CEP68: variants seen among roughly 807,000 people sequenced by gnomAD.
CEP68 encodes the protein centrosomal protein 68, also known as centrosomal protein of 68 kDa.
A neutral mutation model predicts 55.3 loss-of-function variants in CEP68; 26 were observed. The ratio of observed to expected loss-of-function variants is 0.47; its 90% confidence interval spans 0.34 to 0.65. The LOEUF (loss-of-function observed/expected upper bound fraction) is 0.65, where lower values mean the gene tolerates loss of function less well. CEP68 is among the 30% of genes least tolerant of loss of function. The probability of loss-of-function intolerance (pLI) is 0.01; values close to 1 mark genes in which losing one functional copy is unlikely to be tolerated. For missense variants in CEP68, 957 were observed against 946.7 expected (o/e 1.01, Z -0.14); for synonymous variants, 402 against 383.2 (o/e 1.05, Z -0.57).
chr2:65,057,022 C>CAGCA (rs1558550577), intron 1 of CEP68, among the ~76,000 whole-genome samples: 86 of 152,014 alleles, frequency 5.7e-4, no homozygotes, highest in African/African-American at 1.9e-3. Flanking sequence ...TTCTTATCGC[C>CAGCA]GCGCCCAGAT....
In CEP68 at chr2:65,074,353, T is replaced by C. The variant is rs1304367621; in HGVS notation, c.1956T>C (p.Thr652=). Residue 652 remains threonine, a synonymous_variant, in exon 4 of 7, where the codon ACT becomes ACC. Transcript: ENST00000377990. ...YNVADVTDHG[T]AARSNLTSLK... ...TTGCAGATGTTACTGACCACGGGAC[T>C]GCAGCCAGGTCCAATCTTACAAGTC... 3.1e-6 allele frequency: 5 copies of C among 1,614,156 alleles called. No individual in the cohort carries two copies. Among genetic ancestry groups the C allele is most frequent in the Non-Finnish European group, 4.2e-6 (5 of 1,180,054 alleles).
chr2:65,061,673 A>T (rs908446442), intron 1 of CEP68, among the ~76,000 whole-genome samples: 2 of 152,256 alleles, frequency 1.3e-5, no homozygotes, highest in African/African-American at 2.4e-5. Context: ...CCAGCAGGGC[A>T]GGAGCAGGTG....
Position 65,072,707 on chromosome 2 carries a change from C to T in CEP68, c.1611C>T (p.Ser537=), listed in dbSNP as rs1676547440. The T allele has an allele frequency of 6.2e-7, 1 of 1,614,134 alleles. No individual in the cohort carries two copies. Among genetic ancestry groups the T allele is most frequent in the Non-Finnish European group, 8.5e-7 (1 of 1,180,016 alleles). ...CCTTCCCTTCAAGCTCCAGCCAAAG[C>T]CAGCTTCCCCCTGGAGCTGCCCTCC... ...PASFPSSSSQ[S]QLPPGAALQG... The change falls in exon 3 of 7, where the codon AGC becomes AGT. Residue 537 remains serine, a synonymous_variant. Coordinates refer to ENST00000377990, the MANE Select transcript of CEP68 (RefSeq NM_015147.3).
chr2:65,071,990 G>A lies in CEP68; in HGVS notation c.894G>A (p.Glu298=). The change falls in exon 3 of 7, where the codon GAG becomes GAA. Residue 298 remains glutamate (E), a synonymous_variant. Coordinates refer to ENST00000377990, the MANE Select transcript of CEP68 (RefSeq NM_015147.3). ...RHSPLWNPNK[E]YEDLLDYTYP... is the part of the protein sequence containing the mutation. ...CCCCTCTCTGGAACCCAAATAAAGA[G>A]TATGAAGATCTGCTTGACTATACTT... is the stretch of plus-strand genomic sequence containing the variant. 1 of 1,613,012 alleles carries A rather than the reference G, an allele frequency of 6.2e-7. No individual in the cohort carries two copies. The highest frequency in any genetic ancestry group is 1.1e-5 in the South Asian group (1 of 91,072).
Position 65,071,916 on chromosome 2 carries a change from T to A in CEP68, c.820T>A (p.Trp274Arg). Residue 274 changes from tryptophan (W) to arginine (R), a missense_variant, in exon 3 of 7, where the codon TGG becomes AGG. Physicochemically the swap from Trp to Arg is moderately radical, Grantham distance 101. Transcript: ENST00000377990. ...RRRLSFQAEY[W>R]ACVLPDSLPP... Reference sequence around the variant, plus strand: ...ACGCCTCTCCTTCCAGGCTGAGTACTGGGCCTGTGTGCTGCCAGATTCCCT... The same window carrying A: ...ACGCCTCTCCTTCCAGGCTGAGTACAGGGCCTGTGTGCTGCCAGATTCCCT... 6.2e-7 allele frequency: 1 copy of A among 1,613,242 alleles called. No individual in the cohort carries two copies. The highest frequency in any genetic ancestry group is 1.1e-5 in the South Asian group (1 of 91,060).
chr2:65,069,806 G>GT lies in CEP68; in HGVS notation c.357+6dup, dbSNP rs746010641. The GT allele has an allele frequency of 6.2e-7, 1 of 1,612,310 alleles. No individual in the cohort carries two copies. The highest frequency in any genetic ancestry group is 1.1e-5 in the South Asian group (1 of 91,050). ...CTGCTCTCCGGGGAAAGCCAGGTAG[G>GT]TACTAAGGCAAGACTGTAGATGGAC... On this transcript the variant is annotated splice_donor_region_variant and intron_variant, in intron 2 of 6. Transcript: ENST00000377990.
chr2:65,074,686 T>C, intron 4 of CEP68: 1 of 391,834 alleles, frequency 2.6e-6, no homozygotes, highest in South Asian at 2.1e-5. Context: ...AAGTCTTTTA[T>C]CCCAGCTACT....
intron 1 of CEP68, among the ~76,000 whole-genome samples, chr2:65,064,914 G>A (rs1676089648): frequency 6.6e-6 from 1 of 152,150 alleles, no homozygotes; most frequent in Non-Finnish European, 1.5e-5. Flanking sequence ...TGAGGATGTG[G>A]CTCCGTAAGA....
intron 3 of CEP68, chr2:65,074,000 T>C (rs186517032): frequency 2.6e-5 from 9 of 341,766 alleles, no homozygotes; most frequent in African/African-American, 4.2e-5. Flanking sequence ...GATCCAAGAA[T>C]TGGTTTCCAT....
At chr2:65,061,061 C>T (rs886917482) in intron 1 of CEP68, among the ~76,000 whole-genome samples, 4 of 152,070 alleles carry the variant, frequency 2.6e-5, no homozygotes, top group African/African-American at 7.2e-5. Flanking sequence ...CCTGTAATCC[C>T]AACTACTCAG....
At chr2:65,071,097 T>G in intron 2 of CEP68, 1 of 265,436 alleles carries the variant, frequency 3.8e-6, no homozygotes, top group Non-Finnish European at 7.3e-6. Flanking sequence ...AGCGACAGAG[T>G]GATTGAGGGT....
chr2:65,074,414 G>T lies in CEP68; in HGVS notation c.2007+10G>T. ...TCTGCAGCTTTACCGGGTAATATGC[G>T]GTCCTGGCTCTGGCTTGTTCCCTCA... is the stretch of plus-strand genomic sequence containing the variant. On this transcript the variant is annotated intron_variant, in intron 4 of 6. Transcript: ENST00000377990. 6.2e-7 allele frequency: 1 copy of T among 1,613,968 alleles called. No individual in the cohort carries two copies. The highest frequency in any genetic ancestry group is 1.3e-5 in the African/African-American group (1 of 75,022).
intron 4 of CEP68, chr2:65,074,767 C>T (rs181107141): frequency 2.5e-5 from 6 of 238,496 alleles, no homozygotes; most frequent in African/African-American, 4.8e-5. Flanking sequence ...TAGCAAGACC[C>T]CCCCCCCTCA....
In CEP68 at chr2:65,082,561, C is replaced by T. The variant is rs370298053; in HGVS notation, c.2130C>T (p.Ile710=). 332 of 1,586,538 alleles carry T rather than the reference C, an allele frequency of 2.1e-4. No individual in the cohort carries two copies. Among genetic ancestry groups the T allele is most frequent in the Non-Finnish European group, 2.6e-4 (310 of 1,171,154 alleles). Residue 710 remains isoleucine, a synonymous_variant, in exon 6 of 7, where the codon ATC becomes ATT. Coordinates refer to ENST00000377990, the MANE Select transcript of CEP68 (RefSeq NM_015147.3). Reference sequence around the variant, plus strand: ...TTTTAGAGGATGTCCTTGGGAGGATCGCAAAGCAGTCTGGTGAGCTGGAGA... The same window carrying T: ...TTTTAGAGGATGTCCTTGGGAGGATTGCAAAGCAGTCTGGTGAGCTGGAGA... The part of the protein sequence containing the change: ...TPVLEDVLGR[I]AKQSGELESH...
At chr2:65,073,443 T>C (rs753104567) in intron 3 of CEP68, 1 of 263,304 alleles carries the variant, frequency 3.8e-6, no homozygotes, top group South Asian at 4.1e-5. Context: ...GTTAGGGGCA[T>C]TGGATGTACT....
At chr2:65,056,791 C>T (rs1558550248) in intron 1 of CEP68, among the ~76,000 whole-genome samples, 1 of 152,090 alleles carries the variant, frequency 6.6e-6, no homozygotes, top group Non-Finnish European at 1.5e-5. Context: ...GGGGTCGGGG[C>T]CGAGGCGGGC....
intron 5 of CEP68, chr2:65,080,315 C>G (rs1368266098): frequency 2.0e-6 from 2 of 985,132 alleles, no homozygotes; most frequent in Non-Finnish European, 2.4e-6. Flanking sequence ...CACAGCCCTT[C>G]CCCATCCATC....
Position 65,074,290 on chromosome 2 carries a change from C to T in CEP68, c.1893C>T (p.Cys631=). The part of the protein sequence containing the change: ...ESLVQCVKTF[C]CQLEELICWL... ...TTTATTTGTCTCTGCAGACATTTTGCTGTCAGCTGGAAGAGCTGATCTGCT... is the reference window on the plus strand; with the variant it reads ...TTTATTTGTCTCTGCAGACATTTTGTTGTCAGCTGGAAGAGCTGATCTGCT... The change falls in exon 4 of 7, where the codon TGC becomes TGT. Residue 631 remains cysteine (C), a synonymous_variant. Coordinates refer to ENST00000377990, the MANE Select transcript of CEP68 (RefSeq NM_015147.3). 1 of 1,614,114 alleles carries T rather than the reference C, an allele frequency of 6.2e-7. No individual in the cohort carries two copies. Among genetic ancestry groups the T allele is most frequent in the African/African-American group, 1.3e-5 (1 of 75,050 alleles).
intron 1 of CEP68, among the ~76,000 whole-genome samples, chr2:65,057,648 CAAT>C (rs1185649041): frequency 3.3e-5 from 5 of 152,100 alleles, no homozygotes; most frequent in Non-Finnish European, 7.3e-5. Context: ...AAAAGGCACT[CAAT>C]GATGGAAGGA....
Sources: gnomAD v4.1 joint callset for allele counts (sites outside exome capture counted in the v4.1 genomes callset) on GRCh38, gnomAD v4.1.1 for gene constraint, MANE v1.5 for transcripts, NCBI Gene and HGNC (gene_info 2026-07-23, HGNC 2026-07-21) for gene names.